Variants in ARNT2 observed in about 807,000 individuals in gnomAD.
ARNT2 encodes the protein aryl hydrocarbon receptor nuclear translocator 2.
ARNT2 carries 36 observed loss-of-function variants against 91.7 expected under a neutral mutation model. The ratio of observed to expected loss-of-function variants is 0.39; its 90% confidence interval spans 0.30 to 0.52. ARNT2 has a LOEUF of 0.52. ARNT2 is among the 20% of genes least tolerant of loss of function. The probability of loss-of-function intolerance (pLI) is 0.72; values close to 1 mark genes in which losing one functional copy is unlikely to be tolerated. For synonymous variants in ARNT2, 365 were observed against 347.1 expected (o/e 1.05, Z -0.57); for missense variants, 775 against 939.3 (o/e 0.83, Z 2.29).
intron 1 of ARNT2, among the ~76,000 whole-genome samples, chr15:80,435,254 G>A (rs3858941): frequency 0.32 from 48,850 of 152,068 alleles, 9,198 homozygotes; most frequent in East Asian, 0.55. Flanking sequence ...TCTGCCCGAG[G>A]TTCTCTTTCC....
chr15:80,425,124 C>T (rs981538055), intron 1 of ARNT2, among the ~76,000 whole-genome samples: 3 of 152,176 alleles, frequency 2.0e-5, no homozygotes, highest in African/African-American at 4.8e-5. Flanking sequence ...TTTGTTTTAT[C>T]GAAGAGCTGC....
chr15:80,430,904 C>T (rs1403718340), intron 1 of ARNT2, among the ~76,000 whole-genome samples: 3 of 152,058 alleles, frequency 2.0e-5, no homozygotes, highest in Non-Finnish European at 4.4e-5. Context: ...TCTTGCCCTG[C>T]ACCTGCTGTG....
At chr15:80,538,382 T>C (rs1477290851) in intron 8 of ARNT2, among the ~76,000 whole-genome samples, 1 of 152,176 alleles carries the variant, frequency 6.6e-6, no homozygotes. Context: ...CTCAAACTTA[T>C]AGAACTTGGA....
intron 8 of ARNT2, among the ~76,000 whole-genome samples, chr15:80,530,235 G>A (rs1036136186): frequency 6.6e-6 from 1 of 152,180 alleles, no homozygotes; most frequent in Admixed American, 6.5e-5. Context: ...TAGCTTTGCT[G>A]CAGTTTTACT....
intron 1 of ARNT2, among the ~76,000 whole-genome samples, chr15:80,431,059 C>A (rs995149145): frequency 3.9e-5 from 6 of 152,084 alleles, no homozygotes; most frequent in African/African-American, 7.2e-5. Context: ...ATGTCACGAT[C>A]CCCCCACAAA....
At chr15:80,424,221 G>A (rs1222290330) in intron 1 of ARNT2, among the ~76,000 whole-genome samples, 1 of 152,224 alleles carries the variant, frequency 6.6e-6, no homozygotes, top group East Asian at 1.9e-4. Context: ...CGCAAGGACT[G>A]TGGGTGAGAG....
intron 17 of ARNT2, among the ~76,000 whole-genome samples, chr15:80,582,486 A>T (rs1265521549): frequency 6.6e-6 from 1 of 151,910 alleles, no homozygotes; most frequent in African/African-American, 2.4e-5. Context: ...ACACAGTGAG[A>T]CCCTGTCTGA....
chr15:80,546,629 G>T (rs1004836524), intron 8 of ARNT2, among the ~76,000 whole-genome samples: 2 of 152,150 alleles, frequency 1.3e-5, no homozygotes, highest in Non-Finnish European at 2.9e-5. Flanking sequence ...GGAACATCTC[G>T]ACTAGAGACA....
intron 17 of ARNT2, among the ~76,000 whole-genome samples, chr15:80,582,328 C>CAA (rs537139420): frequency 7.6e-4 from 51 of 66,772 alleles, no homozygotes; most frequent in African/African-American, 2.3e-3. Flanking sequence ...CCTGTCTCTA[C>CAA]AAAAAAAAAA....
At chr15:80,583,354 T>G (rs1272102652) in intron 17 of ARNT2, among the ~76,000 whole-genome samples, 1 of 152,160 alleles carries the variant, frequency 6.6e-6, no homozygotes, top group Non-Finnish European at 1.5e-5. Flanking sequence ...ATCCAGTGCC[T>G]TTAGCTCCAT....
At chr15:80,519,383 C>T (rs988430194) in intron 8 of ARNT2, among the ~76,000 whole-genome samples, 5 of 152,186 alleles carry the variant, frequency 3.3e-5, no homozygotes, top group African/African-American at 9.7e-5. Context: ...AGTCTTTGAT[C>T]AGCCTTTCAC....
intron 8 of ARNT2, among the ~76,000 whole-genome samples, chr15:80,524,290 AC>A (rs1277821808): frequency 2.0e-5 from 3 of 152,250 alleles, no homozygotes; most frequent in Non-Finnish European, 2.9e-5. Context: ...CACTTTATGT[AC>A]TGCTGGTGAA....
chr15:80,470,471 A>C, intron 4 of ARNT2, 40 bp downstream of exon 4: 1 of 1,598,254 alleles, frequency 6.3e-7, no homozygotes, highest in South Asian at 1.1e-5. Context: ...AGCGGGGGGA[A>C]TCCCAGCGTC....
intron 1 of ARNT2, among the ~76,000 whole-genome samples, chr15:80,432,656 G>A (rs925623930): frequency 1.3e-5 from 2 of 151,986 alleles, no homozygotes; most frequent in African/African-American, 4.8e-5. Flanking sequence ...GGCTTAGGTG[G>A]TGCAGGTGGA....
At chr15:80,531,947 G>C (rs1897747648) in intron 8 of ARNT2, among the ~76,000 whole-genome samples, 1 of 152,126 alleles carries the variant, frequency 6.6e-6, no homozygotes, top group African/African-American at 2.4e-5. Context: ...CCTGCAGCAG[G>C]ACAGAGCTCA....
Position 80,551,294 on chromosome 15 carries a change from C to T in ARNT2, c.954+19C>T. ...ACTCCAGGTAAGAAAAAATTCGTAGCCTTTTTAATCTTAAATGAAGGCTTA... is the reference window on the plus strand; with the variant it reads ...ACTCCAGGTAAGAAAAAATTCGTAGTCTTTTTAATCTTAAATGAAGGCTTA... On this transcript the variant is annotated intron_variant, in intron 9 of 18. Transcript: ENST00000303329. 1.9e-6 allele frequency: 3 copies of T among 1,605,796 alleles called. No homozygotes were observed. The highest frequency in any genetic ancestry group is 2.6e-6 in the Non-Finnish European group (3 of 1,172,678).
intron 1 of ARNT2, among the ~76,000 whole-genome samples, chr15:80,409,908 A>G (rs1237415151): frequency 6.6e-6 from 1 of 152,186 alleles, no homozygotes; most frequent in Non-Finnish European, 1.5e-5. Context: ...GCTGGAGAAC[A>G]GGGAGCAAGG....
At chr15:80,477,482 GC>G (rs1896824740) in intron 5 of ARNT2, among the ~76,000 whole-genome samples, 1 of 152,186 alleles carries the variant, frequency 6.6e-6, no homozygotes, top group Non-Finnish European at 1.5e-5. Flanking sequence ...TTTGGGGAGA[GC>G]GTAAGCATTT....
At chr15:80,487,553 C>G (rs996982799) in intron 5 of ARNT2, among the ~76,000 whole-genome samples, 5 of 152,242 alleles carry the variant, frequency 3.3e-5, no homozygotes, top group African/African-American at 1.2e-4. Context: ...CTGGCCCGCT[C>G]AGGCCTGGCT....
Sources: allele counts gnomAD v4.1 joint callset (sites outside exome capture counted in the v4.1 genomes callset), GRCh38; gene constraint gnomAD v4.1.1; transcripts MANE v1.5; gene names NCBI Gene and HGNC (gene_info 2026-07-23, HGNC 2026-07-21).